The following PTPRN2 variants were observed in gnomAD, a reference collection of about 807,000 sequenced individuals.
PTPRN2 encodes the protein receptor-type tyrosine-protein phosphatase N2.
PTPRN2 carries 74 observed loss-of-function variants against 118.8 expected under a neutral mutation model. That is an observed-to-expected ratio of 0.62 (90% CI 0.52 to 0.76). The LOEUF is 0.76. Ranked by LOEUF, PTPRN2 falls within the 30% of genes least tolerant of loss-of-function variation. The pLI, the probability that PTPRN2 is intolerant of heterozygous loss-of-function variation, is 0.00. For missense variants in PTPRN2, 1,481 were observed against 1,394.4 expected, an observed-to-expected ratio of 1.06 and a Z score of -0.99; for synonymous variants, 641 against 608.0, an observed-to-expected ratio of 1.05 and a Z score of -0.80.
intron 11 of PTPRN2, among the ~76,000 whole-genome samples, chr7:157,923,356 G>A (rs1296024260): frequency 6.6e-6 from 1 of 152,172 alleles, no homozygotes; most frequent in Non-Finnish European, 1.5e-5. Context: ...AAGGCAGCCA[G>A]CCCCCTGGGA....
chr7:158,186,921 T>C (rs1825215012), intron 5 of PTPRN2, among the ~76,000 whole-genome samples: 2 of 152,394 alleles, frequency 1.3e-5, no homozygotes, highest in South Asian at 4.1e-4. Flanking sequence ...TTTAAACATT[T>C]CCAAGATAAA....
At position 158,171,105 on chromosome 7, in the gene PTPRN2, CAT is replaced by C. The variant is rs1201240473; in HGVS notation, c.550-3816_550-3815del. On this transcript the variant is annotated intron_variant, in intron 5 of 22. Coordinates refer to ENST00000389418, the MANE Select transcript of PTPRN2 (RefSeq NM_002847.5). Reference sequence around the variant, plus strand: ...ATATATACACACATATATATATACACATATATATACACACATATATACACATA... The same window carrying C: ...ATATATACACACATATATATATACACATATATACACACATATATACACATA... Among the ~76,000 whole-genome samples, 9 of 115,158 alleles carry C rather than the reference CAT, an allele frequency of 7.8e-5. 1 individual carries two copies. The highest frequency in any genetic ancestry group is 4.5e-4 in the East Asian group (2 of 4,462). The allele number at this position is 115,158 out of a possible 152,430, so 75.5% of individuals were successfully genotyped here. A position where few individuals can be genotyped will look rare whatever the true frequency, so the allele number is the denominator to read the frequency against.
chr7:158,218,841 G>A (rs1366045796), intron 3 of PTPRN2, among the ~76,000 whole-genome samples: 3 of 152,094 alleles, frequency 2.0e-5, no homozygotes, highest in Admixed American at 6.5e-5. Flanking sequence ...ACAAAGAGGG[G>A]CTTTACATAA....
rs935136248 is a variant in PTPRN2 at position 157,628,620 on chromosome 7, C to T, written c.2197-7111G>A. Among the ~76,000 whole-genome samples the T allele has an allele frequency of 5.3e-5, 8 of 152,328 alleles. No homozygotes were observed. In the East Asian group the frequency reaches 9.6e-4, roughly 18 times the overall value. ...ACTGAGCCCCACGGGTGCACCCCTT[C>T]GTAACCTGGTCATCACAGCTCACAG... On this transcript the variant is annotated intron_variant, in intron 14 of 22. Transcript: ENST00000389418.
chr7:157,945,576 C>A (rs1212661589), intron 11 of PTPRN2, among the ~76,000 whole-genome samples: 2 of 152,110 alleles, frequency 1.3e-5, no homozygotes. Context: ...AACAATGCCA[C>A]CTCCAACTTG....
chr7:158,308,952 C>T (rs866692202), intron 3 of PTPRN2, among the ~76,000 whole-genome samples: 18 of 151,888 alleles, frequency 1.2e-4, no homozygotes, highest in South Asian at 6.2e-4. Flanking sequence ...TTTGAATATG[C>T]CTATAATAAT....
chr7:158,316,409 A>G (rs1429251122), intron 3 of PTPRN2, among the ~76,000 whole-genome samples: 1 of 152,182 alleles, frequency 6.6e-6, no homozygotes, highest in African/African-American at 2.4e-5. Flanking sequence ...TTTAAAAATT[A>G]TCTTCTCATC....
Position 157,785,233 on chromosome 7 carries a change from G to A in PTPRN2, c.1789-102296C>T, listed in dbSNP as rs538210321. On this transcript the variant is annotated intron_variant, in intron 12 of 22. Coordinates refer to ENST00000389418, the MANE Select transcript of PTPRN2 (RefSeq NM_002847.5). This position sits in a 1 kb window ranked among gnomAD's most constrained non-coding sequence, Gnocchi z 7.3. ...ACGTGGGGACACGCCCCGCCCCACA[G>A]GCTTGCACCGGGGTGCGGCCTGCCC... 3.7e-4 allele frequency among the ~76,000 whole-genome samples: 57 copies of A among 152,212 alleles called. No individual in the cohort carries two copies. The highest frequency in any genetic ancestry group is 2.9e-4 in the Non-Finnish European group (20 of 68,024).
chr7:158,194,132 TGA>T (rs758119235), intron 4 of PTPRN2, among the ~76,000 whole-genome samples: 35 of 151,494 alleles, frequency 2.3e-4, no homozygotes, highest in Non-Finnish European at 3.8e-4. Flanking sequence ...TGTGCGTGTG[TGA>T]GTTTGTGTAA....
At position 157,542,797 on chromosome 7, in the gene PTPRN2, G is replaced by A. The variant is rs73744999; in HGVS notation, c.2977-2012C>T. On this transcript the variant is annotated intron_variant, in intron 22 of 22. Transcript: ENST00000389418. ...CCGGGCGTGTGGGCTGGTGTGTGCC[G>A]TGCACCTTACTCAGAGCCCACTGGG... 9.7e-3 allele frequency among the ~76,000 whole-genome samples: 1,477 copies of A among 152,330 alleles called. 30 individuals carry two copies. The highest frequency in any genetic ancestry group is 0.033 in the African/African-American group (1,380 of 41,582).
At chr7:158,337,383 TAA>T (rs1355513246) in intron 2 of PTPRN2, among the ~76,000 whole-genome samples, 2 of 104,746 alleles carry the variant, frequency 1.9e-5, no homozygotes, top group African/African-American at 6.7e-5. Context: ...ACTCTCACCA[TAA>T]GAGGTAACAC....
At position 157,974,313 on chromosome 7, in the gene PTPRN2, A is replaced by G. The variant is rs375383835; in HGVS notation, c.1724-75576T>C. On this transcript the variant is annotated intron_variant, in intron 11 of 22. Coordinates refer to ENST00000389418, the MANE Select transcript of PTPRN2 (RefSeq NM_002847.5). The surrounding 1 kb of genome is among the most constrained non-coding windows in gnomAD (Gnocchi z 4.0). ...ACTCCAGCCGGGCCACCCTGCCCAC[A>G]AGGTCTTCCACGGGGCTCCTCCCCA... Among the ~76,000 whole-genome samples the G allele has an allele frequency of 2.0e-5, 3 of 152,184 alleles. No homozygotes were observed. Among genetic ancestry groups the G allele is most frequent in the Admixed American group, 2.0e-4 (3 of 15,278 alleles).
intron 2 of PTPRN2, among the ~76,000 whole-genome samples, chr7:158,415,598 C>T (rs1814592038): frequency 6.6e-6 from 1 of 152,178 alleles, no homozygotes; most frequent in Non-Finnish European, 1.5e-5. Flanking sequence ...GCCCATTCTA[C>T]CAACAAGAAC....
rs536072975 is a variant in PTPRN2 at position 158,081,376 on chromosome 7, C to A, written c.1645G>T (p.Val549Phe). 6.2e-7 allele frequency: 1 copy of A among 1,613,908 alleles called. No homozygotes were observed. The highest frequency in any genetic ancestry group is 1.1e-5 in the South Asian group (1 of 91,072). ...TTGAAGGTCACTGCTGGTCCGAGAA[C>A]CCTGGAAGGGATAATTTAAAATAAG... The part of the protein sequence containing the change: ...VPSSAFADVE[V>F]LGPAVTFKVS... Residue 549 changes from valine (V) to phenylalanine (F), a missense_variant and splice_region_variant, in exon 11 of 23, where the codon GTT (valine) becomes TTT (phenylalanine). This residue lies in a region of PTPRN2 where 1,115 missense variants were observed against 994.2 expected (regional missense o/e 1.12). Coordinates refer to ENST00000389418, the MANE Select transcript of PTPRN2 (RefSeq NM_002847.5).
chr7:158,444,205 G>A (rs1445889193), intron 2 of PTPRN2, among the ~76,000 whole-genome samples: 2 of 152,354 alleles, frequency 1.3e-5, no homozygotes, highest in South Asian at 2.1e-4. Flanking sequence ...CAGCAAGAGC[G>A]GAATGTTCAC....
At position 158,509,646 on chromosome 7, in the gene PTPRN2, C is replaced by T. The variant is rs554218324; in HGVS notation, c.113-19861G>A. Among the ~76,000 whole-genome samples the T allele has an allele frequency of 3.9e-5, 6 of 152,378 alleles. No homozygotes were observed. In the South Asian group the frequency reaches 1.0e-3, roughly 26 times the overall value. The stretch of plus-strand genomic sequence containing the variant: ...GGATCCCCCAGCCTCATTTCCATCT[C>T]TGTCATGGGCTCTACTGACAACACA... On this transcript the variant is annotated intron_variant, in intron 1 of 22. Coordinates refer to ENST00000389418, the MANE Select transcript of PTPRN2 (RefSeq NM_002847.5). This position sits in a 1 kb window ranked among gnomAD's most constrained non-coding sequence, Gnocchi z 4.4.
intron 1 of PTPRN2, among the ~76,000 whole-genome samples, chr7:158,567,162 G>T (rs1827717257): frequency 1.3e-5 from 2 of 152,190 alleles, no homozygotes; most frequent in South Asian, 4.1e-4. Flanking sequence ...ATTTTCACAA[G>T]TCCCCATTAA....
rs568591779 is a variant in PTPRN2 at position 157,690,214 on chromosome 7, C to T, written c.1789-7277G>A. Among the ~76,000 whole-genome samples, 1 of 152,180 alleles carries T rather than the reference C, an allele frequency of 6.6e-6. No homozygotes were observed. The highest frequency in any genetic ancestry group is 1.5e-5 in the Non-Finnish European group (1 of 68,026). The stretch of plus-strand genomic sequence containing the variant: ...AATCTGTGCGCTCAGAAGGAGCTGC[C>T]CTTTGCCCGCTCCTCCTCACAGGCC... On this transcript the variant is annotated intron_variant, in intron 12 of 22. Transcript: ENST00000389418. This position sits in a 1 kb window ranked among gnomAD's most constrained non-coding sequence, Gnocchi z 7.1.
At chr7:158,083,095 CCT>C (rs1050122648) in intron 10 of PTPRN2, among the ~76,000 whole-genome samples, 7 of 152,182 alleles carry the variant, frequency 4.6e-5, no homozygotes, top group African/African-American at 1.4e-4. Flanking sequence ...GCTGATTCTC[CCT>C]GTCTCCACAG....
Sources: allele counts gnomAD v4.1 joint callset (sites outside exome capture counted in the v4.1 genomes callset), GRCh38; gene constraint gnomAD v4.1.1; regional missense constraint gnomAD v4.1.1; non-coding constraint Gnocchi (gnomAD v3.1); transcripts MANE v1.5; gene names NCBI Gene and HGNC (gene_info 2026-07-23, HGNC 2026-07-21).